The following ATP2B4 variants were observed in gnomAD, a reference collection of about 807,000 sequenced individuals.
The protein encoded by ATP2B4 is ATPase plasma membrane Ca2+ transporting 4, also known as plasma membrane calcium-transporting ATPase 4.
ATP2B4 carries 39 observed loss-of-function variants against 110.3 expected under a neutral mutation model. The ratio of observed to expected loss-of-function variants is 0.35; its 90% confidence interval spans 0.27 to 0.46. The LOEUF (loss-of-function observed/expected upper bound fraction) is 0.46. Among genes scored for constraint, ATP2B4 ranks in the 20% least tolerant of loss-of-function variants. The pLI, the probability that ATP2B4 is intolerant of heterozygous loss-of-function variation, is 1.00. For synonymous variants in ATP2B4, 538 were observed against 571.7 expected (o/e 0.94, Z 0.84); for missense variants, 1,135 against 1,530.9 (o/e 0.74, Z 4.32).
At chr1:203,691,678 A>C (rs922441737) in intron 2 of ATP2B4, among the ~76,000 whole-genome samples, 6 of 152,174 alleles carry the variant, frequency 3.9e-5, no homozygotes, top group African/African-American at 1.2e-4. Flanking sequence ...AGGAGCTGGA[A>C]GTCTAGCAGA....
At chr1:203,655,458 C>G (rs1370817620) in intron 1 of ATP2B4, among the ~76,000 whole-genome samples, 1 of 152,014 alleles carries the variant, frequency 6.6e-6, no homozygotes, top group Non-Finnish European at 1.5e-5. Context: ...CCAGCCTGGC[C>G]AACATGGAGA....
intron 19 of ATP2B4, among the ~76,000 whole-genome samples, chr1:203,726,071 C>CAAAAAA (rs58722256): frequency 1.1e-5 from 1 of 93,238 alleles, no homozygotes. Context: ...ACTAAAAATA[C>CAAAAAA]AAAAAAAAAA....
At chr1:203,680,779 C>T (rs1664990392) in intron 1 of ATP2B4, among the ~76,000 whole-genome samples, 1 of 152,148 alleles carries the variant, frequency 6.6e-6, no homozygotes, top group African/African-American at 2.4e-5. Flanking sequence ...CTCTACCCAA[C>T]TAAAGGTGGA....
chr1:203,732,270 G>A (rs960873352), intron 20 of ATP2B4, among the ~76,000 whole-genome samples: 3 of 151,978 alleles, frequency 2.0e-5, no homozygotes, highest in African/African-American at 4.8e-5. Flanking sequence ...GCCTCGACCT[G>A]TAGCTGTTTC....
At chr1:203,724,664 A>C (rs533938742) in intron 19 of ATP2B4, among the ~76,000 whole-genome samples, 2 of 152,088 alleles carry the variant, frequency 1.3e-5, no homozygotes, top group Admixed American at 1.3e-4. Flanking sequence ...CTCATGAGGC[A>C]GCAACCTGGC....
At chr1:203,671,513 T>C (rs148946288) in intron 1 of ATP2B4, among the ~76,000 whole-genome samples, 139 of 152,282 alleles carry the variant, frequency 9.1e-4, no homozygotes, top group African/African-American at 3.2e-3. Context: ...TTCTTTGCTA[T>C]TTTATTTTTG....
chr1:203,646,506 G>A (rs1462094108), intron 1 of ATP2B4, among the ~76,000 whole-genome samples: 6 of 152,182 alleles, frequency 3.9e-5, no homozygotes, highest in Non-Finnish European at 1.5e-5. Flanking sequence ...GCTCACGCCT[G>A]TAATCCCAGC....
chr1:203,723,418 ATATC>A (rs1558052385), intron 18 of ATP2B4, among the ~76,000 whole-genome samples: 8 of 66,424 alleles, frequency 1.2e-4, no homozygotes, highest in African/African-American at 3.5e-4. Flanking sequence ...TTTGAGACAG[ATATC>A]TCTCTCTCTC....
At chr1:203,650,775 C>T (rs1663964669) in intron 1 of ATP2B4, among the ~76,000 whole-genome samples, 2 of 152,250 alleles carry the variant, frequency 1.3e-5, no homozygotes, top group African/African-American at 4.8e-5. Flanking sequence ...CCTCCTGTCC[C>T]TAGAGCAGTA....
intron 2 of ATP2B4, among the ~76,000 whole-genome samples, chr1:203,688,128 ATCC>A (rs1433280984): frequency 6.7e-6 from 1 of 148,624 alleles, no homozygotes; most frequent in Non-Finnish European, 1.5e-5. Flanking sequence ...GGCTCAACTG[ATCC>A]TCCTGCCTCA....
At chr1:203,721,503 G>A (rs1435837634) in intron 17 of ATP2B4, 93 bp downstream of exon 17, 2 of 1,303,414 alleles carry the variant, frequency 1.5e-6, no homozygotes, top group African/African-American at 2.9e-5. Flanking sequence ...CACAGGTCAG[G>A]AATAAGCGCA....
rs146526985 is a variant in ATP2B4 at position 203,669,092 on chromosome 1, A to G, written c.-464-13650A>G. ...CACTTCCTACAAACCTCCGACCACC[A>G]TCCCACCATTCTTCCAGGTTTTGCC... On this transcript the variant is annotated intron_variant, in intron 1 of 20. Transcript: ENST00000357681. Among the ~76,000 whole-genome samples the G allele has an allele frequency of 5.3e-3, 813 of 152,314 alleles. 7 individuals carry two copies. The highest frequency in any genetic ancestry group is 0.019 in the African/African-American group (790 of 41,562).
chr1:203,670,273 G>A lies in ATP2B4; in HGVS notation c.-464-12469G>A, dbSNP rs923444234. Among the ~76,000 whole-genome samples, 5 of 151,936 alleles carry A rather than the reference G, an allele frequency of 3.3e-5. No individual in the cohort carries two copies. The East Asian group carries it at 5.8e-4, about 18-fold the overall frequency. On this transcript the variant is annotated intron_variant, in intron 1 of 20. Coordinates refer to ENST00000357681, the MANE Select transcript of ATP2B4 (RefSeq NM_001684.5). ...AGCTCACTGCAACCTCCATCTTCCC[G>A]GTTCAAGTGATTCTCCTGACTCAGC...
chr1:203,737,566 C>T (rs1470928635), intron 20 of ATP2B4, among the ~76,000 whole-genome samples: 1 of 152,134 alleles, frequency 6.6e-6, no homozygotes, highest in South Asian at 2.1e-4. Flanking sequence ...CTTGAGACTT[C>T]CTGAAGACCA....
At chr1:203,680,231 G>T (rs1664962239) in intron 1 of ATP2B4, among the ~76,000 whole-genome samples, 1 of 152,112 alleles carries the variant, frequency 6.6e-6, no homozygotes, top group African/African-American at 2.4e-5. Flanking sequence ...TGGGGTGGGG[G>T]TTCCCTGGCA....
chr1:203,687,268 GAAAAGAA>G (rs1665224126), intron 2 of ATP2B4, among the ~76,000 whole-genome samples: 1 of 6,870 alleles, frequency 1.5e-4, no homozygotes, highest in Non-Finnish European at 9.9e-4. Flanking sequence ...GAAAAAGAAA[GAAAAGAA>G]AGAAAAGAAA....
intron 1 of ATP2B4, among the ~76,000 whole-genome samples, chr1:203,655,510 G>A (rs1002316146): frequency 3.3e-5 from 5 of 152,102 alleles, no homozygotes; most frequent in African/African-American, 9.7e-5. Flanking sequence ...ACCAGGTGTG[G>A]TGGTGCGTTC....
Position 203,731,849 on chromosome 1 carries a change from C to CAAAAA in ATP2B4, c.3309+4295_3309+4299dup, listed in dbSNP as rs35528335. ...TGGGTGACAGAGCGAGACTCTGTCT[C>CAAAAA]AAAAAAAAAAAAAAAAAAAAAGGAA... is the stretch of plus-strand genomic sequence containing the variant. On this transcript the variant is annotated intron_variant, in intron 20 of 20. Coordinates refer to ENST00000357681, the MANE Select transcript of ATP2B4 (RefSeq NM_001684.5). 4.3e-4 allele frequency among the ~76,000 whole-genome samples: 22 copies of CAAAAA among 51,038 alleles called. 1 individual carries two copies. The highest frequency in any genetic ancestry group is 8.1e-4 in the African/African-American group (9 of 11,092). 33.5% of individuals were successfully genotyped at this position (51,038 alleles called of 152,430 possible). A position where few individuals can be genotyped will look rare whatever the true frequency, so the allele number is the denominator to read the frequency against.
chr1:203,647,265 A>AAAAAAAT (rs1317341483), intron 1 of ATP2B4, among the ~76,000 whole-genome samples: 6 of 151,858 alleles, frequency 4.0e-5, no homozygotes, highest in African/African-American at 1.5e-4. Flanking sequence ...TCCGTCACTT[A>AAAAAAAT]AAAAAATAAA....
Sources: allele counts gnomAD v4.1 joint callset (sites outside exome capture counted in the v4.1 genomes callset), GRCh38; gene constraint gnomAD v4.1.1; transcripts MANE v1.5; gene names NCBI Gene and HGNC (gene_info 2026-07-23, HGNC 2026-07-21).